Variants in KIF27 observed in about 807,000 individuals in gnomAD.
The protein encoded by KIF27 is kinesin-like protein KIF27.
Under a neutral mutation model 141.8 loss-of-function variants are expected in KIF27, and 84 were observed. That is an observed-to-expected ratio of 0.59 (90% CI 0.50 to 0.71). KIF27 has a LOEUF of 0.71. KIF27 is among the 30% of genes least tolerant of loss of function. The probability of loss-of-function intolerance (pLI) is 0.00; values close to 1 mark genes in which losing one functional copy is unlikely to be tolerated. For synonymous variants in KIF27, 471 were observed against 569.5 expected, an observed-to-expected ratio of 0.83 and a Z score of 2.46; for missense variants, 1,306 against 1,628.4, an observed-to-expected ratio of 0.80 and a Z score of 3.41.
chr9:83,887,411 T>C (rs1278296768), intron 8 of KIF27, among the ~76,000 whole-genome samples: 2 of 152,246 alleles, frequency 1.3e-5, no homozygotes, highest in African/African-American at 4.8e-5. Flanking sequence ...AATTAATACA[T>C]GTATGTATAT....
At chr9:83,864,871 C>A (rs1338988376) in intron 13 of KIF27, among the ~76,000 whole-genome samples, 2 of 151,794 alleles carry the variant, frequency 1.3e-5, no homozygotes, top group Non-Finnish European at 2.9e-5. Context: ...ATATTGGGTG[C>A]ATATATATTT....
At chr9:83,838,162 TATG>T (rs1461667088) in intron 17 of KIF27, among the ~76,000 whole-genome samples, 10 of 151,992 alleles carry the variant, frequency 6.6e-5, no homozygotes, top group Non-Finnish European at 1.2e-4. Flanking sequence ...CTAGACCTAA[TATG>T]ATGAAAAATG....
At chr9:83,882,625 CTA>C (rs1951777800) in intron 10 of KIF27, among the ~76,000 whole-genome samples, 1 of 152,152 alleles carries the variant, frequency 6.6e-6, no homozygotes, top group Non-Finnish European at 1.5e-5. Context: ...TACAAAATTT[CTA>C]AAACTATGTC....
In KIF27 at chr9:83,879,064, GC is replaced by G. The variant is rs561543034; in HGVS notation, c.2643+1232del. Among the ~76,000 whole-genome samples the G allele has an allele frequency of 1.7e-3, 254 of 150,792 alleles. 1 individual carries two copies. Among genetic ancestry groups the G allele is most frequent in the African/African-American group, 5.8e-3 (236 of 40,962 alleles). ...GTGGTGGTGCACGCCTGTAATCCCA[GC>G]TACTCAGGAGGCTGAGGCAGGAGAA... On this transcript the variant is annotated intron_variant, in intron 11 of 17. Transcript: ENST00000297814.
chr9:83,841,448 C>T (rs960033550), intron 17 of KIF27, among the ~76,000 whole-genome samples: 10 of 152,144 alleles, frequency 6.6e-5, no homozygotes, highest in African/African-American at 2.4e-4. Flanking sequence ...CTTCTTACAT[C>T]TTGTGTGCCC....
Position 83,891,467 on chromosome 9 carries a change from T to C in KIF27, c.1637A>G (p.Asp546Gly). ...EKIIEQQLLV[D>G]QLSEELTKLN... is the part of the protein sequence containing the mutation. The stretch of plus-strand genomic sequence containing the variant: ...TTTTGTTAGTTCTTCACTCAGTTGA[T>C]CCACAAGAAGTTGTTGTTCTATTAT... Residue 546 changes from aspartate to glycine, a missense_variant, in exon 6 of 18, where the codon GAT (aspartate) becomes GGT (glycine). Coordinates refer to ENST00000297814, the MANE Select transcript of KIF27 (RefSeq NM_017576.4). 4 of 1,613,628 alleles carry C rather than the reference T, an allele frequency of 2.5e-6. No individual in the cohort carries two copies. The highest frequency in any genetic ancestry group is 3.4e-6 in the Non-Finnish European group (4 of 1,179,734).
chr9:83,860,966 A>T (rs953085769), intron 13 of KIF27, among the ~76,000 whole-genome samples: 10 of 151,784 alleles, frequency 6.6e-5, no homozygotes, highest in African/African-American at 2.4e-4. Flanking sequence ...TATTAGACTT[A>T]ATTTTCCTCA....
intron 3 of KIF27, among the ~76,000 whole-genome samples, chr9:83,906,937 AAATATT>A (rs1167639169): frequency 1.3e-5 from 2 of 151,994 alleles, no homozygotes; most frequent in African/African-American, 2.4e-5. Context: ...TTCAAAATAT[AAATATT>A]AAGTGAAATC....
In KIF27 at chr9:83,903,198, C is replaced by T; in HGVS notation, c.1320G>A (p.Gln440=). The change falls in exon 4 of 18, where the codon CAG becomes CAA. Residue 440 remains glutamine (Q), a synonymous_variant. Coordinates refer to ENST00000297814, the MANE Select transcript of KIF27 (RefSeq NM_017576.4). ...CCTCTTGGATCATGTTAAACCACTC[C>T]TGCAGTTTGTGTTGCTGCTTTTCGT... ...RLNEKQQHKL[Q]EWFNMIQEVR... The T allele has an allele frequency of 6.2e-7, 1 of 1,614,162 alleles. No individual in the cohort carries two copies. The highest frequency in any genetic ancestry group is 8.5e-7 in the Non-Finnish European group (1 of 1,180,040).
chr9:83,912,059 T>C (rs1312351708), intron 2 of KIF27, among the ~76,000 whole-genome samples: 1 of 151,830 alleles, frequency 6.6e-6, no homozygotes. Context: ...GATCTTTATA[T>C]GTACTTTATT....
rs942314373 is a variant in KIF27 at position 83,851,128 on chromosome 9, G to A, written c.3358-831C>T. On this transcript the variant is annotated intron_variant, in intron 15 of 17. Coordinates refer to ENST00000297814, the MANE Select transcript of KIF27 (RefSeq NM_017576.4). ...TGGGATTACAGGCGTGAGCCACCAC[G>A]CCCAGCCGACACTTTCATTTTTAAT... Among the ~76,000 whole-genome samples, 12 of 151,446 alleles carry A rather than the reference G, an allele frequency of 7.9e-5. 1 individual carries two copies. Among genetic ancestry groups the A allele is most frequent in the South Asian group, 2.1e-4 (1 of 4,800 alleles).
Position 83,903,653 on chromosome 9 carries a change from A to C in KIF27, c.865T>G (p.Ser289Ala). 6.2e-7 allele frequency: 1 copy of C among 1,614,116 alleles called. No homozygotes were observed. ...SALGDPRRKS[S>A]HIPYRDAKIT... The stretch of plus-strand genomic sequence containing the variant: ...TTAGCATCCCTATATGGAATATGTG[A>C]ACTCTTCCTGCGTGGGTCCCCAAGA... Residue 289 changes from serine to alanine, a missense_variant, in exon 4 of 18, where the codon TCA (serine) becomes GCA (alanine). Ser to Ala is a moderately conservative substitution (Grantham distance 99). Around this residue, in one of 4 missense-constraint regions of KIF27, gnomAD observed 533 missense variants for 565.6 expected, o/e 0.94. Transcript: ENST00000297814.
intron 11 of KIF27, among the ~76,000 whole-genome samples, chr9:83,877,824 A>T (rs1046649178): frequency 1.8e-4 from 27 of 152,174 alleles, no homozygotes; most frequent in Non-Finnish European, 3.2e-4. Flanking sequence ...CAAAGAACCA[A>T]ATTAAAATGT....
chr9:83,903,526 G>T lies in KIF27; in HGVS notation c.992C>A (p.Ser331Tyr), dbSNP rs754337057. 6.2e-6 allele frequency: 10 copies of T among 1,613,980 alleles called. No individual in the cohort carries two copies. The East Asian group carries it at 2.2e-4, about 36-fold the overall frequency. The change falls in exon 4 of 18, where the codon TCT becomes TAT. Residue 331 changes from serine to tyrosine, a missense_variant. By Grantham distance (144) the Ser-to-Tyr change is moderately radical. Coordinates refer to ENST00000297814, the MANE Select transcript of KIF27 (RefSeq NM_017576.4). ...CCGTGCTCTGTTGGCATATTTGAGA[G>T]AATTTAAGGACTCATCAAAATTCGA... The part of the protein sequence containing the change: ...SSSNFDESLN[S>Y]LKYANRARNI...
At chr9:83,851,125 C>A (rs1948537704) in intron 15 of KIF27, among the ~76,000 whole-genome samples, 1 of 152,088 alleles carries the variant, frequency 6.6e-6, no homozygotes, top group South Asian at 2.1e-4. Context: ...CGTGAGCCAC[C>A]ACGCCCAGCC....
intron 11 of KIF27, among the ~76,000 whole-genome samples, chr9:83,875,932 G>A (rs1325198953): frequency 6.6e-6 from 1 of 151,744 alleles, no homozygotes; most frequent in Non-Finnish European, 1.5e-5. Flanking sequence ...GTAAGAAAGG[G>A]ATGGGAAAAA....
At chr9:83,886,013 C>T (rs1324738339) in intron 9 of KIF27, among the ~76,000 whole-genome samples, 9 of 151,550 alleles carry the variant, frequency 5.9e-5, no homozygotes, top group Non-Finnish European at 1.5e-5. Flanking sequence ...AAGCTTTTTC[C>T]TTTCTCATTC....
intron 5 of KIF27, among the ~76,000 whole-genome samples, chr9:83,891,931 T>C (rs918912720): frequency 2.6e-5 from 4 of 152,046 alleles, no homozygotes; most frequent in East Asian, 1.9e-4. Context: ...AGGTAACAAG[T>C]GCAGGGAAGT....
In KIF27 at chr9:83,903,097, G is replaced by C; in HGVS notation, c.1421C>G (p.Thr474Arg). The change falls in exon 4 of 18, where the codon ACA (threonine) becomes AGA (arginine). Residue 474 changes from threonine (T) to arginine (R), a missense_variant. By Grantham distance (71) the Thr-to-Arg change is moderately conservative. Around this residue, in one of 4 missense-constraint regions of KIF27, gnomAD observed 29 missense variants for 60.3 expected, o/e 0.48. Coordinates refer to ENST00000297814, the MANE Select transcript of KIF27 (RefSeq NM_017576.4). Reference sequence around the variant, plus strand: ...AAGCTCTCTCTTCAGCTGGAGAACTGTAACATGCTGTGGTCCTTCTTCCAG... The same window carrying C: ...AAGCTCTCTCTTCAGCTGGAGAACTCTAACATGCTGTGGTCCTTCTTCCAG... Reference protein sequence around the residue: ...ASLEEGPQHVTVLQLKRELKK... With the variant: ...ASLEEGPQHVRVLQLKRELKK... The C allele has an allele frequency of 6.2e-7, 1 of 1,613,976 alleles. No individual in the cohort carries two copies. Among genetic ancestry groups the C allele is most frequent in the African/African-American group, 1.3e-5 (1 of 75,036 alleles).
Sources: allele counts gnomAD v4.1 joint callset (sites outside exome capture counted in the v4.1 genomes callset), GRCh38; gene constraint gnomAD v4.1.1; regional missense constraint gnomAD v4.1.1; transcripts MANE v1.5; gene names NCBI Gene and HGNC (gene_info 2026-07-23, HGNC 2026-07-21).